CHM: variants seen among roughly 807,000 people sequenced by gnomAD.
CHM encodes CHM Rab escort protein.
CHM carries 10 observed loss-of-function variants against 49.0 expected under a neutral mutation model. The ratio of observed to expected loss-of-function variants is 0.20; its 90% CI spans 0.13 to 0.35. CHM has a LOEUF of 0.35. Ranked by LOEUF, CHM falls within the 10% of genes least tolerant of loss-of-function variation. The pLI, the probability that CHM is intolerant of heterozygous loss-of-function variation, is 1.00. For missense variants in CHM, 455 were observed against 478.4 expected (o/e 0.95, Z 0.46); for synonymous variants, 184 against 167.5 (o/e 1.10, Z -0.76).
At chrX:85,952,675 G>A (rs1412870200) in intron 8 of CHM, among the ~76,000 whole-genome samples, 2 of 112,747 alleles carry the variant, frequency 1.8e-5, no homozygotes, top group Non-Finnish European at 3.8e-5. Flanking sequence ...TTCTGTTTGA[G>A]AAAAGCAGAG....
At chrX:85,882,743 T>C (rs1422070241) in intron 12 of CHM, among the ~76,000 whole-genome samples, 1 of 111,966 alleles carries the variant, frequency 8.9e-6, no homozygotes, top group East Asian at 2.8e-4. Context: ...TTTGGAATGC[T>C]GATCGCTCTT....
chrX:85,924,161 T>A (rs980050555), intron 8 of CHM, among the ~76,000 whole-genome samples: 2 of 111,102 alleles, frequency 1.8e-5, no homozygotes, highest in African/African-American at 6.5e-5. Flanking sequence ...TTAAAATGGG[T>A]CTGGCTGCTC....
chrX:85,896,139 C>CAAAAA (rs148920305), intron 11 of CHM, among the ~76,000 whole-genome samples: 1 of 46,343 alleles, frequency 2.2e-5, no homozygotes, highest in Non-Finnish European at 4.1e-5. Flanking sequence ...CTGCACAACT[C>CAAAAA]AAAAAAAAAA....
intron 14 of CHM, among the ~76,000 whole-genome samples, chrX:85,868,199 C>T (rs1317928841): frequency 8.9e-6 from 1 of 111,763 alleles, no homozygotes; most frequent in Non-Finnish European, 1.9e-5. Context: ...CATGATCTCA[C>T]TTATATGTAG....
At chrX:85,935,816 C>G (rs1237721702) in intron 8 of CHM, among the ~76,000 whole-genome samples, 1 of 111,512 alleles carries the variant, frequency 9.0e-6, no homozygotes, top group Non-Finnish European at 1.9e-5. Context: ...GGAGGGAGGG[C>G]AGAGGATGGA....
chrX:85,873,814 TA>T (rs1277518274), intron 13 of CHM, among the ~76,000 whole-genome samples: 1 of 111,712 alleles, frequency 9.0e-6, no homozygotes, highest in Non-Finnish European at 1.9e-5. Flanking sequence ...AAGTTATTAT[TA>T]AAAAAATAGT....
intron 8 of CHM, among the ~76,000 whole-genome samples, chrX:85,927,656 A>T (rs998552586): frequency 8.9e-6 from 1 of 112,258 alleles, no homozygotes. Flanking sequence ...CAGACATTTA[A>T]ATCAATATAA....
chrX:86,042,710 C>T (rs185025748), intron 1 of CHM, among the ~76,000 whole-genome samples: 11 of 110,086 alleles, frequency 1.0e-4, no homozygotes, highest in African/African-American at 3.6e-4. Context: ...GTAATCTCAG[C>T]TACTCAGGAG....
chrX:85,915,737 C>T (rs1305689613), intron 8 of CHM, among the ~76,000 whole-genome samples: 1 of 111,789 alleles, frequency 8.9e-6, no homozygotes, highest in Non-Finnish European at 1.9e-5. Flanking sequence ...ATACAGCTAA[C>T]TAAGGAGGTG....
chrX:85,876,316 C>T (rs1388389086), intron 13 of CHM, among the ~76,000 whole-genome samples: 1 of 111,377 alleles, frequency 9.0e-6, no homozygotes, highest in Non-Finnish European at 1.9e-5. Context: ...AATGTTATTC[C>T]TTTGGTACAT....
chrX:85,896,438 C>A (rs904308805), intron 11 of CHM, among the ~76,000 whole-genome samples: 9 of 111,132 alleles, frequency 8.1e-5, no homozygotes, highest in African/African-American at 2.9e-4. Flanking sequence ...GAAAGGATGT[C>A]AGAACTGTTC....
intron 2 of CHM, among the ~76,000 whole-genome samples, chrX:86,008,888 T>G (rs1449534551): frequency 8.9e-6 from 1 of 112,533 alleles, no homozygotes; most frequent in Admixed American, 9.4e-5. Flanking sequence ...ATAGTCCTTA[T>G]TGTACTATTT....
At chrX:86,000,454 C>CA (rs1339880991) in intron 2 of CHM, among the ~76,000 whole-genome samples, 6 of 69,183 alleles carry the variant, frequency 8.7e-5, no homozygotes, top group African/African-American at 3.5e-4. Context: ...GGAGGGTCCT[C>CA]AAAAAACTAC....
chrX:85,965,988 G>A (rs1252366180), intron 4 of CHM, among the ~76,000 whole-genome samples: 1 of 111,450 alleles, frequency 9.0e-6, no homozygotes, highest in African/African-American at 3.3e-5. Context: ...TTATGAAACT[G>A]TTGTGAGATA....
intron 12 of CHM, among the ~76,000 whole-genome samples, chrX:85,888,666 A>C (rs1462683083): frequency 1.8e-5 from 2 of 111,589 alleles, no homozygotes; most frequent in Non-Finnish European, 3.8e-5. Context: ...AGTAAGAGCC[A>C]TAGAAACTGA....
At chrX:85,946,149 A>G (rs1929396326) in intron 8 of CHM, among the ~76,000 whole-genome samples, 1 of 112,619 alleles carries the variant, frequency 8.9e-6, no homozygotes. Context: ...TTTAATGGGA[A>G]AGCAGAGTGT....
At chrX:85,942,337 C>T (rs1929159371) in intron 8 of CHM, among the ~76,000 whole-genome samples, 1 of 100,102 alleles carries the variant, frequency 1.0e-5, no homozygotes, top group East Asian at 3.5e-4. Flanking sequence ...TTTAGGACCT[C>T]TTCCTTTTAT....
intron 4 of CHM, among the ~76,000 whole-genome samples, chrX:85,966,304 G>A (rs1476524600): frequency 2.9e-5 from 3 of 104,160 alleles, no homozygotes; most frequent in South Asian, 9.3e-4. Context: ...AGCCAAGATC[G>A]TCCCATTGCA....
intron 9 of CHM, among the ~76,000 whole-genome samples, 159 bp from the exon 10 acceptor site, chrX:85,901,347 T>C (rs944559623): frequency 1.8e-5 from 2 of 111,806 alleles, no homozygotes; most frequent in Non-Finnish European, 3.8e-5. Context: ...AAACTGACAG[T>C]AAATGACAGA....
Sources: allele counts gnomAD v4.1 joint callset (sites outside exome capture counted in the v4.1 genomes callset), GRCh38; gene constraint gnomAD v4.1.1; transcripts MANE v1.5; gene names NCBI Gene and HGNC (gene_info 2026-07-23, HGNC 2026-07-21).